Variants in RSBN1 observed in about 807,000 individuals in gnomAD.
The protein encoded by RSBN1 is round spermatid basic protein 1, also known as lysine-specific demethylase 9.
Under a neutral mutation model 74.8 loss-of-function variants are expected in RSBN1, and 23 were observed. The observed-to-expected ratio is 0.31, with a 90% CI of 0.22 to 0.44. The LOEUF is 0.44. RSBN1 is among the 20% of genes least tolerant of loss of function. RSBN1 has a pLI of 1.00. For missense variants in RSBN1, 808 were observed against 1,020.9 expected (o/e 0.79, Z 2.84); for synonymous variants, 407 against 379.6 (o/e 1.07, Z -0.84).
At chr1:113,791,541 C>T (rs1034775569) in intron 2 of RSBN1, among the ~76,000 whole-genome samples, 1 of 152,164 alleles carries the variant, frequency 6.6e-6, no homozygotes. Flanking sequence ...TTCCACAGAA[C>T]TCACGTTTCA....
At chr1:113,770,055 A>G (rs910358133) in intron 4 of RSBN1, among the ~76,000 whole-genome samples, 2 of 152,110 alleles carry the variant, frequency 1.3e-5, no homozygotes, top group African/African-American at 4.8e-5. Flanking sequence ...CTCCAGAGTT[A>G]ATTTCTGATG....
intron 1 of RSBN1, among the ~76,000 whole-genome samples, chr1:113,805,307 T>G (rs1660680061): frequency 6.6e-6 from 1 of 152,094 alleles, no homozygotes; most frequent in Non-Finnish European, 1.5e-5. Flanking sequence ...ACTAGGCTGG[T>G]GTCAAACTCC....
chr1:113,794,866 A>C (rs1168981189), intron 2 of RSBN1, among the ~76,000 whole-genome samples: 1 of 152,216 alleles, frequency 6.6e-6, no homozygotes, highest in Admixed American at 6.5e-5. Context: ...GTTCTCAGTA[A>C]GTGCTTGCTG....
rs61817620 is a variant in RSBN1, at chr1:113,805,119, C to T, written c.703+6591G>A. On this transcript the variant is annotated intron_variant, in intron 1 of 6. Coordinates refer to ENST00000261441, the MANE Select transcript of RSBN1 (RefSeq NM_018364.5). ...TGGATTTTTAAGGAAGTATGTTTGT[C>T]CTATTTTTTTTTTTGAAACGGAGTC... Among the ~76,000 whole-genome samples the T allele has an allele frequency of 7.9e-5, 12 of 151,908 alleles. No homozygotes were observed. In the South Asian group the frequency reaches 2.5e-3, roughly 32 times the overall value.
rs149951965 is a variant in RSBN1 at position 113,775,491 on chromosome 1, G to A, written c.1658+1719C>T. Among the ~76,000 whole-genome samples, 82 of 151,968 alleles carry A rather than the reference G, an allele frequency of 5.4e-4. 1 individual carries two copies. In the East Asian group the frequency reaches 0.014, roughly 27 times the overall value. ...TCAGTAACTAGGATTACAGGAGCGT[G>A]CCACCACACTAATTTTTGTATTTTT... is the stretch of plus-strand genomic sequence containing the variant. On this transcript the variant is annotated intron_variant, in intron 4 of 6. Coordinates refer to ENST00000261441, the MANE Select transcript of RSBN1 (RefSeq NM_018364.5).
chr1:113,812,436 T>C lies in RSBN1; in HGVS notation c.-24A>G, dbSNP rs1660898658. On this transcript the variant is annotated 5_prime_UTR_variant, in exon 1 of 7. Transcript: ENST00000261441. ...ATGCCGGAAGCGGCCGTTCCCAGCT[T>C]TTCTCCGCAGGCCTCTCCAACCGAG... is the stretch of plus-strand genomic sequence containing the variant. 1.3e-6 allele frequency: 2 copies of C among 1,567,584 alleles called. No individual in the cohort carries two copies. The highest frequency in any genetic ancestry group is 2.7e-5 in the African/African-American group (2 of 74,256).
At chr1:113,788,867 A>G (rs1467625430) in intron 2 of RSBN1, among the ~76,000 whole-genome samples, 2 of 152,054 alleles carry the variant, frequency 1.3e-5, no homozygotes, top group East Asian at 3.9e-4. Flanking sequence ...AAGACCCTCT[A>G]CCTTGCCCCC....
chr1:113,797,902 T>C lies in RSBN1; in HGVS notation c.838A>G (p.Thr280Ala). The C allele has an allele frequency of 6.2e-7, 1 of 1,614,062 alleles. No homozygotes were observed. Among genetic ancestry groups the C allele is most frequent in the Non-Finnish European group, 8.5e-7 (1 of 1,179,968 alleles). Reference sequence around the variant, plus strand: ...ATGCGGGTCAGGCCAGCACAGACGGTTTGTACTTCCTTATTGTACATTTTA... The same window carrying C: ...ATGCGGGTCAGGCCAGCACAGACGGCTTGTACTTCCTTATTGTACATTTTA... ...RLKMYNKEVQTVCAGLTRISK... is the reference protein window; with the variant it reads ...RLKMYNKEVQAVCAGLTRISK... The change falls in exon 2 of 7, where the codon ACC (threonine) becomes GCC (alanine). Residue 280 changes from threonine (T) to alanine (A), a missense_variant. Thr to Ala is a moderately conservative substitution (Grantham distance 58). This residue lies in a region of RSBN1 where 464 missense variants were observed against 401.0 expected (regional missense o/e 1.16). Transcript: ENST00000261441.
intron 2 of RSBN1, among the ~76,000 whole-genome samples, chr1:113,787,722 A>G (rs1244347001): frequency 6.6e-6 from 1 of 152,178 alleles, no homozygotes; most frequent in African/African-American, 2.4e-5. Flanking sequence ...TGTGTAACCT[A>G]CTCCATCCCC....
chr1:113,797,493 T>C lies in RSBN1; in HGVS notation c.1247A>G (p.His416Arg). Residue 416 changes from histidine (H) to arginine (R), a missense_variant, in exon 2 of 7, where the codon CAT (histidine) becomes CGT (arginine). His to Arg is a conservative substitution (Grantham distance 29). This residue lies in a region of RSBN1 where 112 missense variants were observed against 257.3 expected (regional missense o/e 0.44). Transcript: ENST00000261441. ...GTCTGGGAGATAAGCAGCCGCTCCATGCACTATTGCTAAAGCATAGTAAGC... is the reference window on the plus strand; with the variant it reads ...GTCTGGGAGATAAGCAGCCGCTCCACGCACTATTGCTAAAGCATAGTAAGC... ...NAAYYALAIV[H>R]GAAAYLPDFL... 6.2e-7 allele frequency: 1 copy of C among 1,614,064 alleles called. No homozygotes were observed. Among genetic ancestry groups the C allele is most frequent in the Non-Finnish European group, 8.5e-7 (1 of 1,179,968 alleles).
chr1:113,796,640 T>C (rs1362582445), intron 2 of RSBN1, among the ~76,000 whole-genome samples: 4 of 152,176 alleles, frequency 2.6e-5, no homozygotes, highest in African/African-American at 4.8e-5. Context: ...CAGAAACTTA[T>C]AGCTGACCAT....
At chr1:113,791,999 T>C (rs1029328032) in intron 2 of RSBN1, among the ~76,000 whole-genome samples, 2 of 152,200 alleles carry the variant, frequency 1.3e-5, no homozygotes, top group Non-Finnish European at 2.9e-5. Flanking sequence ...ATTTTTTGTT[T>C]TTCTCTGGAA....
Position 113,812,306 on chromosome 1 carries a change from C to A in RSBN1, c.107G>T (p.Gly36Val), listed in dbSNP as rs751442842. Residue 36 changes from glycine to valine, a missense_variant, in exon 1 of 7, where the codon GGG becomes GTG. This residue lies in a region of RSBN1 where 464 missense variants were observed against 401.0 expected (regional missense o/e 1.16). Transcript: ENST00000261441. ...CACACATTTAAATGGCCCGACCGCC[C>A]CCCCGTCCGCGCATCGCGCAAGCGC... ...RAALARCADG[G>V]AVGPFKCVFV... The A allele has an allele frequency of 6.2e-7, 1 of 1,604,244 alleles. No individual in the cohort carries two copies.
rs191025345 is a variant in RSBN1, at chr1:113,763,423, T to G, written c.*2557A>C. 1 of 152,832 alleles carries G rather than the reference T, an allele frequency of 6.5e-6. No individual in the cohort carries two copies. Among genetic ancestry groups the G allele is most frequent in the East Asian group, 1.9e-4 (1 of 5,332 alleles). The allele number at this position is 152,832 out of a possible 1,614,324, so 9.5% of individuals were successfully genotyped here. On this transcript the variant is annotated 3_prime_UTR_variant, in exon 7 of 7. Transcript: ENST00000261441. Reference sequence around the variant, plus strand: ...TTTAACAAATCAGAAGACGCCAGATTGCTCCATGCCTCACTCCACCAAACC... The same window carrying G: ...TTTAACAAATCAGAAGACGCCAGATGGCTCCATGCCTCACTCCACCAAACC...
At chr1:113,805,874 G>A (rs1412789011) in intron 1 of RSBN1, among the ~76,000 whole-genome samples, 1 of 152,200 alleles carries the variant, frequency 6.6e-6, no homozygotes, top group African/African-American at 2.4e-5. Flanking sequence ...AGGCTTTGCA[G>A]GTCTTATGGT....
In RSBN1 at chr1:113,797,746, C is replaced by T. The variant is rs1287169416; in HGVS notation, c.994G>A (p.Gly332Arg). Residue 332 changes from glycine to arginine, a missense_variant, in exon 2 of 7, where the codon GGA (glycine) becomes AGA (arginine). Physicochemically the swap from Gly to Arg is moderately radical, Grantham distance 125 (BLOSUM62 -2). This residue lies in a region of RSBN1 where 85 missense variants were observed against 126.2 expected (regional missense o/e 0.67). Transcript: ENST00000261441. Reference sequence around the variant, plus strand: ...TGAGTCATAAAAGGTGTTTGTACTCCCTGGGGTACCCGATATTCTTGCATA... The same window carrying T: ...TGAGTCATAAAAGGTGTTTGTACTCTCTGGGGTACCCGATATTCTTGCATA... ...LGMQEYRVPQ[G>R]VQTPFMTHQE... 1.9e-6 allele frequency: 3 copies of T among 1,614,026 alleles called. No individual in the cohort carries two copies. The highest frequency in any genetic ancestry group is 1.3e-5 in the African/African-American group (1 of 74,994).
intron 4 of RSBN1, among the ~76,000 whole-genome samples, chr1:113,773,093 A>T (rs946092430): frequency 6.6e-6 from 1 of 151,072 alleles, no homozygotes; most frequent in East Asian, 1.9e-4. Context: ...AACAGAAGGG[A>T]AAAAAAGCTT....
In RSBN1 at chr1:113,773,092, GA is replaced by G. The variant is rs201300122; in HGVS notation, c.1658+4117del. ...AAAGATAAAAACTTGGAACAGAAGGGAAAAAAAGCTTAATAGTCATAATATA... is the reference window on the plus strand; with the variant it reads ...AAAGATAAAAACTTGGAACAGAAGGGAAAAAAGCTTAATAGTCATAATATA... On this transcript the variant is annotated intron_variant, in intron 4 of 6. Coordinates refer to ENST00000261441, the MANE Select transcript of RSBN1 (RefSeq NM_018364.5). Among the ~76,000 whole-genome samples the G allele has an allele frequency of 5.3e-5, 8 of 151,688 alleles. No homozygotes were observed. The South Asian group carries it at 1.7e-3, about 31-fold the overall frequency.
intron 4 of RSBN1, among the ~76,000 whole-genome samples, chr1:113,776,547 G>A (rs1335022998): frequency 2.0e-5 from 3 of 151,988 alleles, no homozygotes; most frequent in Non-Finnish European, 2.9e-5. Context: ...GCTGTGGGAC[G>A]GTAACCCCAG....
Sources: gnomAD v4.1 joint callset for allele counts (sites outside exome capture counted in the v4.1 genomes callset) on GRCh38, gnomAD v4.1.1 for gene constraint, gnomAD v4.1.1 regional missense constraint, MANE v1.5 for transcripts, NCBI Gene and HGNC (gene_info 2026-07-23, HGNC 2026-07-21) for gene names.